The following PPP2R2B variants were observed in gnomAD, a reference collection of about 807,000 sequenced individuals.
PPP2R2B encodes protein phosphatase 2 regulatory subunit Bbeta, also known as serine/threonine-protein phosphatase 2A 55 kDa regulatory subunit B beta isoform.
PPP2R2B carries 5 observed loss-of-function variants against 46.0 expected under a neutral mutation model. The ratio of observed to expected loss-of-function variants is 0.11; its 90% CI spans 0.06 to 0.23. The LOEUF (loss-of-function observed/expected upper bound fraction) is 0.23. Ranked by LOEUF, PPP2R2B falls within the 10% of genes least tolerant of loss-of-function variation. The pLI is 1.00. For synonymous variants in PPP2R2B, 215 were observed against 206.7 expected (o/e 1.04, Z -0.34); for missense variants, 367 against 575.0 (o/e 0.64, Z 3.70).
At chr5:146,635,162 A>G in intron 7 of PPP2R2B, among the ~76,000 whole-genome samples, 1 of 152,138 alleles carries the variant, frequency 6.6e-6, no homozygotes, top group East Asian at 1.9e-4. Context: ...CTACTTTCAA[A>G]TGAGGAATCT....
In PPP2R2B at chr5:146,655,346, C is replaced by T. The variant is rs560082235; in HGVS notation, c.448-4622G>A. Among the ~76,000 whole-genome samples the T allele has an allele frequency of 2.0e-5, 3 of 152,306 alleles. No homozygotes were observed. The East Asian group carries it at 5.8e-4, about 29-fold the overall frequency. ...ATATTCCTGGGAAGCTCTTCCCCCC[C>T]AGAGAGTGGCACGGCTTCCCCGCTC... is the stretch of plus-strand genomic sequence containing the variant. On this transcript the variant is annotated intron_variant, in intron 5 of 9. Coordinates refer to ENST00000394411, the MANE Select transcript of PPP2R2B (RefSeq NM_181675.4).
chr5:146,683,668 T>C (rs910619691), intron 5 of PPP2R2B, among the ~76,000 whole-genome samples: 4 of 152,098 alleles, frequency 2.6e-5, no homozygotes, highest in African/African-American at 7.2e-5. Context: ...TATTAGCCAA[T>C]GAGCAGAACA....
rs1778875296 is a variant in PPP2R2B, at chr5:146,691,871, C to CT, written c.335-632dup. Among the ~76,000 whole-genome samples, 4 of 152,284 alleles carry CT rather than the reference C, an allele frequency of 2.6e-5. No homozygotes were observed. In the South Asian group the frequency reaches 8.3e-4, roughly 32 times the overall value. ...TTCTGTCTGGAAAGTCCTTTACCCT[C>CT]TTTTTCGTATAATTTGCTCCTTTAC... is the stretch of plus-strand genomic sequence containing the variant. On this transcript the variant is annotated intron_variant, in intron 4 of 9. Coordinates refer to ENST00000394411, the MANE Select transcript of PPP2R2B (RefSeq NM_181675.4).
chr5:147,059,041 G>A (rs1036466196), upstream of PPP2R2B, among the ~76,000 whole-genome samples: 3 of 152,114 alleles, frequency 2.0e-5, no homozygotes, highest in East Asian at 1.9e-4. Flanking sequence ...TTTGGGTAAC[G>A]GAAAGTTTTC....
At position 146,593,041 on chromosome 5, in the gene PPP2R2B, T is replaced by C; in HGVS notation, c.982A>G (p.Lys328Glu). Residue 328 changes from lysine (K) to glutamate (E), a missense_variant, in exon 9 of 10, where the codon AAG (lysine) becomes GAG (glutamate). Coordinates refer to ENST00000394411, the MANE Select transcript of PPP2R2B (RefSeq NM_181675.4). The stretch of plus-strand genomic sequence containing the variant: ...TCATTTTCATAGAGGGAACACAGCT[T>C]GCTGCGGAGGTAGTCATGAACCTGG... ...TYQVHDYLRS[K>E]LCSLYENDCI... is the part of the protein sequence containing the mutation. 1 of 1,613,770 alleles carries C rather than the reference T, an allele frequency of 6.2e-7. No homozygotes were observed. The highest frequency in any genetic ancestry group is 8.5e-7 in the Non-Finnish European group (1 of 1,179,624).
intron 1 of PPP2R2B, among the ~76,000 whole-genome samples, chr5:146,947,085 C>T (rs1764507772): frequency 6.6e-6 from 1 of 152,122 alleles, no homozygotes; most frequent in South Asian, 2.1e-4. Context: ...AGTAATCAGA[C>T]AAAGCTCATT....
At chr5:146,752,764 A>G (rs561160586) in intron 2 of PPP2R2B, among the ~76,000 whole-genome samples, 1 of 143,188 alleles carries the variant, frequency 7.0e-6, no homozygotes, top group African/African-American at 2.7e-5. Flanking sequence ...AACAAAAATG[A>G]GCAGAAAAAA....
At chr5:147,020,907 T>C (rs187736258) in intron 1 of PPP2R2B, among the ~76,000 whole-genome samples, 1 of 152,308 alleles carries the variant, frequency 6.6e-6, no homozygotes, top group African/African-American at 2.4e-5. Context: ...GAGAACTGTA[T>C]AACTAAATTT....
chr5:146,729,062 T>C (rs566446023), intron 2 of PPP2R2B, among the ~76,000 whole-genome samples: 23 of 152,202 alleles, frequency 1.5e-4, no homozygotes, highest in African/African-American at 5.5e-4. Context: ...TGTGGGAAAG[T>C]TTGGAACTTC....
chr5:146,628,934 C>T (rs566109279), intron 7 of PPP2R2B, among the ~76,000 whole-genome samples: 49 of 152,278 alleles, frequency 3.2e-4, no homozygotes, highest in African/African-American at 1.2e-3. Flanking sequence ...GCTCACTTCC[C>T]TGGTAGCTCA....
At chr5:146,843,060 G>A (rs2151373679) in intron 2 of PPP2R2B, among the ~76,000 whole-genome samples, 1 of 152,348 alleles carries the variant, frequency 6.6e-6, no homozygotes, top group South Asian at 2.1e-4. Flanking sequence ...GATGGCGCAT[G>A]CCTGTAATCC....
At position 146,582,425 on chromosome 5, in the gene PPP2R2B, G is replaced by A. The variant is rs1769937296; in HGVS notation, c.*7522C>T. 6.6e-6 allele frequency: 1 copy of A among 152,164 alleles called. No homozygotes were observed. The highest frequency in any genetic ancestry group is 6.5e-5 in the Admixed American group (1 of 15,268). The allele number at this position is 152,164 out of a possible 1,614,324, so 9.4% of individuals were successfully genotyped here. A position where few individuals can be genotyped will look rare whatever the true frequency, so the allele number is the denominator to read the frequency against. ...CCAGAAGGCTAACTACTGCAGGGAAGGTAATGCATCAGGCAGGGACACATA... is the reference window on the plus strand; with the variant it reads ...CCAGAAGGCTAACTACTGCAGGGAAAGTAATGCATCAGGCAGGGACACATA... On this transcript the variant is annotated 3_prime_UTR_variant, in exon 10 of 10. Transcript: ENST00000394411.
At chr5:146,700,482 C>T (rs981348296) in intron 3 of PPP2R2B, among the ~76,000 whole-genome samples, 22 of 152,060 alleles carry the variant, frequency 1.4e-4, no homozygotes, top group African/African-American at 5.3e-4. Context: ...CAGAAATGGT[C>T]CTATATGTAG....
rs994091262 is a variant in PPP2R2B, at chr5:146,774,502, GA to G, written c.71-73361del. ...TACTAACATTATTACTGAGTTTACA[GA>G]AAAAAAAAATGGATGTAAGAGAATA... On this transcript the variant is annotated intron_variant, in intron 2 of 9. Coordinates refer to ENST00000394411, the MANE Select transcript of PPP2R2B (RefSeq NM_181675.4). Among the ~76,000 whole-genome samples the G allele has an allele frequency of 2.8e-3, 416 of 148,796 alleles. 1 individual carries two copies. The highest frequency in any genetic ancestry group is 6.8e-3 in the African/African-American group (277 of 40,714).
intron 1 of PPP2R2B, among the ~76,000 whole-genome samples, chr5:146,898,189 AAAAC>A (rs1762709129): frequency 1.3e-5 from 2 of 152,332 alleles, no homozygotes; most frequent in African/African-American, 4.8e-5. Flanking sequence ...CCATCTCAAA[AAAAC>A]AAACAAACAA....
intron 2 of PPP2R2B, among the ~76,000 whole-genome samples, chr5:146,801,370 T>C (rs1035173879): frequency 6.6e-5 from 10 of 152,238 alleles, no homozygotes; most frequent in South Asian, 2.1e-4. Context: ...TGTGAGGTGA[T>C]ATATATGTTA....
chr5:147,030,661 A>C (rs1272214797), intron 1 of PPP2R2B, among the ~76,000 whole-genome samples: 2 of 152,206 alleles, frequency 1.3e-5, no homozygotes, highest in Non-Finnish European at 2.9e-5. Flanking sequence ...TGATTGCACC[A>C]GAAATTGCAA....
intron 2 of PPP2R2B, among the ~76,000 whole-genome samples, chr5:146,804,023 C>T (rs933691469): frequency 2.6e-5 from 4 of 151,918 alleles, no homozygotes; most frequent in Non-Finnish European, 2.9e-5. Context: ...AAAAATTAGA[C>T]GGGCGTGGTG....
At chr5:146,618,949 A>C (rs533869075) in intron 7 of PPP2R2B, among the ~76,000 whole-genome samples, 1 of 152,308 alleles carries the variant, frequency 6.6e-6, no homozygotes, top group African/African-American at 2.4e-5. Context: ...TTGTGCTCAG[A>C]CATCTACAGT....
Sources: allele counts gnomAD v4.1 joint callset (sites outside exome capture counted in the v4.1 genomes callset), GRCh38; gene constraint gnomAD v4.1.1; transcripts MANE v1.5; gene names NCBI Gene and HGNC (gene_info 2026-07-23, HGNC 2026-07-21).